ELOVL6: variants seen among roughly 807,000 people sequenced by gnomAD.
ELOVL6 encodes ELOVL fatty acid elongase 6.
In ELOVL6, 8 loss-of-function variants were observed where a neutral mutation model predicts 31.7. That is an observed-to-expected ratio of 0.25 (90% CI 0.15 to 0.45). The LOEUF (loss-of-function observed/expected upper bound fraction) is 0.45, where lower values mean the gene tolerates loss of function less well. ELOVL6 is among the 20% of genes least tolerant of loss of function. The pLI, the probability that ELOVL6 is intolerant of heterozygous loss-of-function variation, is 1.00. For synonymous variants in ELOVL6, 101 were observed against 117.7 expected (o/e 0.86, Z 0.92); for missense variants, 126 against 326.4 (o/e 0.39, Z 4.73).
chr4:110,066,587 C>T (rs370324941), intron 2 of ELOVL6, among the ~76,000 whole-genome samples: 11 of 135,066 alleles, frequency 8.1e-5, no homozygotes, highest in East Asian at 6.5e-4. Context: ...TGCAGTAAGC[C>T]GAGATTGCAC....
chr4:110,064,810 C>T (rs963612246), intron 2 of ELOVL6, among the ~76,000 whole-genome samples: 2 of 152,272 alleles, frequency 1.3e-5, no homozygotes, highest in Non-Finnish European at 2.9e-5. Context: ...GTTTAAAAAT[C>T]TACTTTCAAT....
chr4:110,052,447 T>C (rs1446494710), intron 3 of ELOVL6, among the ~76,000 whole-genome samples: 1 of 152,194 alleles, frequency 6.6e-6, no homozygotes, highest in Non-Finnish European at 1.5e-5. Context: ...ACAAGGGTAA[T>C]AGGAATATTT....
chr4:110,114,486 T>G (rs910204255), intron 1 of ELOVL6, among the ~76,000 whole-genome samples: 3 of 152,132 alleles, frequency 2.0e-5, no homozygotes, highest in African/African-American at 7.2e-5. Context: ...TGGCTGATGG[T>G]CCTCTAATTT....
At chr4:110,128,714 A>T (rs1266007132) in intron 1 of ELOVL6, among the ~76,000 whole-genome samples, 1 of 152,246 alleles carries the variant, frequency 6.6e-6, no homozygotes, top group Non-Finnish European at 1.5e-5. Context: ...CAACAGCAAG[A>T]TCTAACATTT....
chr4:110,067,262 T>A (rs1335958157), intron 2 of ELOVL6, among the ~76,000 whole-genome samples: 1 of 152,206 alleles, frequency 6.6e-6, no homozygotes. Flanking sequence ...AAATCTTAAA[T>A]CAGATACCTC....
At position 110,068,405 on chromosome 4, in the gene ELOVL6, C is replaced by T. The variant is rs373418111; in HGVS notation, c.222-8651G>A. Reference sequence around the variant, plus strand: ...TCTTGGAGCACAGAGAAGCTATCTTCGTGGACAATATGATCCCCCGATAAA... The same window carrying T: ...TCTTGGAGCACAGAGAAGCTATCTTTGTGGACAATATGATCCCCCGATAAA... On this transcript the variant is annotated intron_variant, in intron 2 of 3. Coordinates refer to ENST00000302274, the MANE Select transcript of ELOVL6 (RefSeq NM_024090.3). Among the ~76,000 whole-genome samples, 76 of 152,292 alleles carry T rather than the reference C, an allele frequency of 5.0e-4. 1 individual carries two copies. Among genetic ancestry groups the T allele is most frequent in the African/African-American group, 1.8e-3 (74 of 41,560 alleles).
chr4:110,066,454 G>T (rs111298912), intron 2 of ELOVL6, among the ~76,000 whole-genome samples: 2 of 151,100 alleles, frequency 1.3e-5, no homozygotes, highest in African/African-American at 4.9e-5. Flanking sequence ...GGCTAACACG[G>T]TGAAACCCCG....
At chr4:110,077,830 A>C (rs1560809339) in intron 2 of ELOVL6, among the ~76,000 whole-genome samples, 1 of 152,172 alleles carries the variant, frequency 6.6e-6, no homozygotes, top group Non-Finnish European at 1.5e-5. Context: ...CAAAGAAGTT[A>C]AAAACCTTGA....
Position 110,158,657 on chromosome 4 carries a change from A to ATATATTTTT in ELOVL6, c.89+39589_89+39590insAAAAATATA. On this transcript the variant is annotated intron_variant, in intron 1 of 3. Transcript: ENST00000302274. ...CGTGTATATATATATATATATATAT[A>ATATATTTTT]TTTTTTTTTTTTTTTTTTTTGAGAC... is the stretch of plus-strand genomic sequence containing the variant. Among the ~76,000 whole-genome samples the ATATATTTTT allele has an allele frequency of 1.1e-3, 79 of 74,158 alleles. 2 individuals carry two copies. The highest frequency in any genetic ancestry group is 6.4e-3 in the African/African-American group (77 of 12,072). 48.7% of individuals were successfully genotyped at this position (74,158 alleles called of 152,430 possible).
chr4:110,067,605 G>A lies in ELOVL6; in HGVS notation c.222-7851C>T, dbSNP rs370810182. ...AGAAATGTCCTCTGACATGAAAATC[G>A]GTAAATAAATTACAATGAACACAAT... On this transcript the variant is annotated intron_variant, in intron 2 of 3. Transcript: ENST00000302274. Among the ~76,000 whole-genome samples the A allele has an allele frequency of 3.9e-5, 6 of 152,032 alleles. No individual in the cohort carries two copies. The East Asian group carries it at 5.8e-4, about 15-fold the overall frequency.
intron 2 of ELOVL6, among the ~76,000 whole-genome samples, chr4:110,073,898 T>C (rs1483562605): frequency 6.6e-6 from 1 of 152,234 alleles, no homozygotes; most frequent in Non-Finnish European, 1.5e-5. Flanking sequence ...TTTCCCATAG[T>C]CCATGGCCCT....
chr4:110,075,960 C>T (rs1755614258), intron 2 of ELOVL6, among the ~76,000 whole-genome samples: 1 of 152,138 alleles, frequency 6.6e-6, no homozygotes, highest in African/African-American at 2.4e-5. Context: ...GCTAAAATAA[C>T]TTCCTGAAAC....
intron 1 of ELOVL6, among the ~76,000 whole-genome samples, chr4:110,169,807 CTTT>C (rs759703117): frequency 1.5e-5 from 2 of 136,618 alleles, no homozygotes; most frequent in Admixed American, 7.3e-5. Flanking sequence ...TTCTTTCTTT[CTTT>C]TTTTTTTTTT....
At chr4:110,198,670 C>A, upstream of ELOVL6, 1 of 234,704 alleles carries the variant, frequency 4.3e-6, no homozygotes, top group Non-Finnish European at 8.3e-6. Flanking sequence ...ATCTCCTCCC[C>A]CTCGTGCGAT....
At chr4:110,128,143 C>T (rs1341872634) in intron 1 of ELOVL6, among the ~76,000 whole-genome samples, 1 of 151,952 alleles carries the variant, frequency 6.6e-6, no homozygotes, top group Non-Finnish European at 1.5e-5. Context: ...CATATTCAGA[C>T]AGGACGAGTA....
At chr4:110,188,889 C>CAAA (rs368964781) in intron 1 of ELOVL6, among the ~76,000 whole-genome samples, 1 of 107,926 alleles carries the variant, frequency 9.3e-6, no homozygotes. Context: ...AACTCGGTCT[C>CAAA]AAAAAAAAAA....
intron 1 of ELOVL6, among the ~76,000 whole-genome samples, chr4:110,127,111 G>A (rs377642710): frequency 2.6e-5 from 4 of 152,062 alleles, no homozygotes; most frequent in African/African-American, 9.6e-5. Context: ...CAATACCATG[G>A]CTCTAAGAAA....
intron 2 of ELOVL6, among the ~76,000 whole-genome samples, chr4:110,070,099 T>A (rs142011877): frequency 6.6e-6 from 1 of 152,348 alleles, no homozygotes; most frequent in East Asian, 1.9e-4. Context: ...CTGGTGGGTA[T>A]GCTTTCTTCC....
intron 2 of ELOVL6, among the ~76,000 whole-genome samples, chr4:110,074,803 T>C (rs1755585507): frequency 6.6e-6 from 1 of 152,156 alleles, no homozygotes. Flanking sequence ...ATCAAGGAAG[T>C]GGGTAAGCCC....
Sources: gnomAD v4.1 joint callset for allele counts (sites outside exome capture counted in the v4.1 genomes callset) on GRCh38, gnomAD v4.1.1 for gene constraint, MANE v1.5 for transcripts, NCBI Gene and HGNC (gene_info 2026-07-23, HGNC 2026-07-21) for gene names.